CNTNAP3B: variants seen among roughly 807,000 people sequenced by gnomAD.
CNTNAP3B encodes contactin-associated protein-like 3B.
CNTNAP3B carries 25 observed loss-of-function variants against 108.9 expected under a neutral mutation model. The ratio of observed to expected loss-of-function variants is 0.23; its 90% CI spans 0.17 to 0.32. The LOEUF (loss-of-function observed/expected upper bound fraction) is 0.32, where lower values mean the gene tolerates loss of function less well. Ranked by LOEUF, CNTNAP3B falls within the 10% of genes least tolerant of loss-of-function variation. The probability of loss-of-function intolerance (pLI) is 1.00; values close to 1 mark genes in which losing one functional copy is unlikely to be tolerated. For synonymous variants in CNTNAP3B, 103 were observed against 473.4 expected, an observed-to-expected ratio of 0.22 and a Z score of 10.16; for missense variants, 252 against 1,210.4, an observed-to-expected ratio of 0.21 and a Z score of 11.75.
intron 3 of CNTNAP3B, among the ~76,000 whole-genome samples, chr9:42,066,473 T>C (rs62553636): frequency 0.38 from 30,149 of 78,648 alleles, 5,677 homozygotes; most frequent in East Asian, 0.65. Context: ...GTTGCCCAGG[T>C]TAGAGAGCAG....
chr9:41,928,452 G>A (rs189479980), intron 15 of CNTNAP3B, among the ~76,000 whole-genome samples: 12 of 151,934 alleles, frequency 7.9e-5, no homozygotes, highest in African/African-American at 2.7e-4. Context: ...TGGGGAGTGA[G>A]TACACATCGA....
intron 13 of CNTNAP3B, among the ~76,000 whole-genome samples, chr9:41,950,737 A>G (rs1348155473): frequency 6.9e-6 from 1 of 145,946 alleles, no homozygotes; most frequent in East Asian, 2.0e-4. Context: ...ATAGAGCAAT[A>G]GGAGGAATTC....
At chr9:42,115,061 A>G (rs1185538994) in intron 1 of CNTNAP3B, among the ~76,000 whole-genome samples, 5 of 137,248 alleles carry the variant, frequency 3.6e-5, no homozygotes. Flanking sequence ...ATCGGAAAAA[A>G]AAAAGAAATA....
intron 13 of CNTNAP3B, among the ~76,000 whole-genome samples, chr9:41,940,561 T>C (rs1444348141): frequency 6.6e-6 from 1 of 152,286 alleles, no homozygotes; most frequent in African/African-American, 2.4e-5. Context: ...GGCTCACGCC[T>C]GTAATCCCAG....
chr9:41,927,475 G>GAAGA (rs1397502477), intron 15 of CNTNAP3B, among the ~76,000 whole-genome samples: 1 of 148,756 alleles, frequency 6.7e-6, no homozygotes, highest in African/African-American at 2.6e-5. Flanking sequence ...AGGGAGTGGG[G>GAAGA]AAGGAAGGAA....
At chr9:42,074,999 C>A (rs1376228542) in intron 3 of CNTNAP3B, among the ~76,000 whole-genome samples, 8 of 146,606 alleles carry the variant, frequency 5.5e-5, no homozygotes, top group Non-Finnish European at 1.0e-4. Flanking sequence ...GGCCGTGCTG[C>A]CTCCGGAGGC....
At chr9:41,935,188 A>G (rs1490049852) in intron 14 of CNTNAP3B, among the ~76,000 whole-genome samples, 1 of 152,294 alleles carries the variant, frequency 6.6e-6, no homozygotes, top group Non-Finnish European at 1.5e-5. Flanking sequence ...TGTTATAGTT[A>G]TTTGATAGAA....
At chr9:41,961,642 G>A (rs1241438528) in intron 11 of CNTNAP3B, among the ~76,000 whole-genome samples, 4 of 152,278 alleles carry the variant, frequency 2.6e-5, no homozygotes, top group African/African-American at 9.6e-5. Flanking sequence ...AGAGATAAAT[G>A]GAATTTATAA....
At chr9:42,088,875 C>A (rs1827760447) in intron 2 of CNTNAP3B, among the ~76,000 whole-genome samples, 1 of 139,834 alleles carries the variant, frequency 7.2e-6, no homozygotes, top group African/African-American at 2.8e-5. Context: ...CTTAGTGTAG[C>A]TTCTGACCTA....
At chr9:41,972,540 T>A (rs866528489) in intron 9 of CNTNAP3B, among the ~76,000 whole-genome samples, 1 of 138,986 alleles carries the variant, frequency 7.2e-6, no homozygotes, top group African/African-American at 2.8e-5. Flanking sequence ...TTAACTTTAA[T>A]ACTTTCTGCT....
intron 10 of CNTNAP3B, among the ~76,000 whole-genome samples, chr9:41,965,142 T>A (rs1825230999): frequency 6.6e-6 from 1 of 152,292 alleles, no homozygotes; most frequent in Non-Finnish European, 1.5e-5. Flanking sequence ...CAATAAGCAG[T>A]CGGTTATTGC....
At chr9:42,089,153 A>C (rs865834045) in intron 2 of CNTNAP3B, among the ~76,000 whole-genome samples, 1 of 92,236 alleles carries the variant, frequency 1.1e-5, no homozygotes. Flanking sequence ...GGGAAAGGGA[A>C]AAAGGGTGAA....
At chr9:42,117,136 G>T (rs1403054672) in intron 1 of CNTNAP3B, among the ~76,000 whole-genome samples, 1 of 136,782 alleles carries the variant, frequency 7.3e-6, no homozygotes, top group Non-Finnish European at 1.6e-5. Context: ...AGTTAAAAAG[G>T]ATATCCAGGA....
chr9:41,964,017 G>C (rs567678667), intron 11 of CNTNAP3B, among the ~76,000 whole-genome samples: 11 of 152,102 alleles, frequency 7.2e-5, no homozygotes, highest in African/African-American at 2.4e-4. Context: ...AGATCTTAAA[G>C]GTCCTCTAGT....
chr9:42,019,730 C>T (rs1826274973), intron 3 of CNTNAP3B, among the ~76,000 whole-genome samples: 1 of 145,188 alleles, frequency 6.9e-6, no homozygotes, highest in Middle Eastern at 3.4e-3. Flanking sequence ...CACTGCACTC[C>T]AGCCTTGGTG....
intron 14 of CNTNAP3B, among the ~76,000 whole-genome samples, chr9:41,931,817 T>C (rs1184314426): frequency 2.1e-5 from 3 of 144,256 alleles, no homozygotes; most frequent in South Asian, 2.2e-4. Flanking sequence ...CAAGATAGTC[T>C]AGTAGAGAAA....
At chr9:41,934,764 C>T (rs1351474371) in intron 14 of CNTNAP3B, among the ~76,000 whole-genome samples, 4 of 152,246 alleles carry the variant, frequency 2.6e-5, no homozygotes, top group Non-Finnish European at 5.9e-5. Context: ...CAAGCTATAG[C>T]TTCTTTAAAA....
chr9:41,924,501 T>C (rs7870515), intron 15 of CNTNAP3B, among the ~76,000 whole-genome samples: 2,010 of 151,546 alleles, frequency 0.013, no homozygotes, highest in African/African-American at 0.046. Context: ...AGGGAAATAA[T>C]TCTAAAGAAG....
intron 17 of CNTNAP3B, among the ~76,000 whole-genome samples, chr9:41,921,545 G>C (rs570060650): frequency 1.1e-3 from 166 of 144,416 alleles, no homozygotes; most frequent in Non-Finnish European, 1.9e-3. Flanking sequence ...ATCCTTATTC[G>C]CTTTAAAACA....
Sources: allele counts gnomAD v4.1 joint callset (sites outside exome capture counted in the v4.1 genomes callset), GRCh38; gene constraint gnomAD v4.1.1; transcripts MANE v1.5; gene names NCBI Gene and HGNC (gene_info 2026-07-23, HGNC 2026-07-21).